The following ST18 variants were observed in gnomAD, a reference collection of about 807,000 sequenced individuals.
ST18 encodes the protein ST18 C2H2C-type zinc finger transcription factor.
Under a neutral mutation model 110.0 loss-of-function variants are expected in ST18, and 50 were observed. The observed-to-expected ratio is 0.45, with a 90% CI of 0.36 to 0.58. ST18 has a LOEUF of 0.58. ST18 is among the 20% of genes least tolerant of loss of function. The probability of loss-of-function intolerance (pLI) is 0.00; values close to 1 mark genes in which losing one functional copy is unlikely to be tolerated. For synonymous variants in ST18, 461 were observed against 452.4 expected (o/e 1.02, Z -0.24); for missense variants, 1,306 against 1,280.1 (o/e 1.02, Z -0.31).
intron 2 of ST18, among the ~76,000 whole-genome samples, chr8:52,375,282 T>C (rs11778617): frequency 0.75 from 114,696 of 152,024 alleles, 48,191 homozygotes; most frequent in Non-Finnish European, 0.93. Flanking sequence ...AACTCTTTTA[T>C]TTGCTCCCCT....
At chr8:52,320,505 T>C (rs1803417173) in intron 2 of ST18, among the ~76,000 whole-genome samples, 2 of 152,238 alleles carry the variant, frequency 1.3e-5, no homozygotes, top group African/African-American at 4.8e-5. Context: ...AAAGAATTCA[T>C]GTAAATTAAT....
chr8:52,118,464 A>C (rs1167707358), intron 23 of ST18, 23 bp from the exon 24 acceptor site: 2 of 1,419,772 alleles, frequency 1.4e-6, no homozygotes, highest in Non-Finnish European at 9.7e-7. Context: ...AGACTACCTT[A>C]GTTCAAACTG....
intron 2 of ST18, among the ~76,000 whole-genome samples, chr8:52,323,121 G>T (rs1804744372): frequency 6.6e-6 from 1 of 152,158 alleles, no homozygotes; most frequent in Admixed American, 6.5e-5. Flanking sequence ...CAGGAACTCT[G>T]TGCATGGAGG....
intron 19 of ST18, among the ~76,000 whole-genome samples, chr8:52,135,551 A>T (rs1420572929): frequency 6.8e-6 from 1 of 146,884 alleles, no homozygotes; most frequent in African/African-American, 2.5e-5. Flanking sequence ...CTGGGCAACA[A>T]GACCGAAACT....
At chr8:52,403,174 C>T (rs950094433) in intron 2 of ST18, among the ~76,000 whole-genome samples, 5 of 152,024 alleles carry the variant, frequency 3.3e-5, no homozygotes, top group African/African-American at 1.2e-4. Flanking sequence ...GGAGTTGCTG[C>T]AGCTCAGTTG....
intron 2 of ST18, among the ~76,000 whole-genome samples, chr8:52,342,876 A>G (rs1332706599): frequency 6.6e-6 from 1 of 152,224 alleles, no homozygotes. Context: ...ACAAGGCAAT[A>G]ATCTTTTTGG....
intron 10 of ST18, among the ~76,000 whole-genome samples, chr8:52,168,577 C>G (rs2063766415): frequency 6.6e-6 from 1 of 152,020 alleles, no homozygotes; most frequent in Non-Finnish European, 1.5e-5. Flanking sequence ...TCGAGTCGTT[C>G]TGCGCTGAGG....
intron 3 of ST18, among the ~76,000 whole-genome samples, chr8:52,228,058 G>C (rs2090087302): frequency 6.6e-6 from 1 of 152,132 alleles, no homozygotes; most frequent in Non-Finnish European, 1.5e-5. Context: ...TTAGCATCTG[G>C]AATACTATAG....
rs1484481387 is a variant in ST18, at chr8:52,371,789, C to T, written c.-465+37539G>A. ...ATCGCCTAGTGATGTCACAGCCATC[C>T]TGATGTCACAGAGCAATGCATGCCT... On this transcript the variant is annotated intron_variant, in intron 2 of 25. Coordinates refer to ENST00000689386, the MANE Select transcript of ST18 (RefSeq NM_001352837.2). Among the ~76,000 whole-genome samples, 3 of 152,278 alleles carry T rather than the reference C, an allele frequency of 2.0e-5. No homozygotes were observed. The East Asian group carries it at 5.8e-4, about 29-fold the overall frequency.
intron 8 of ST18, among the ~76,000 whole-genome samples, chr8:52,203,837 A>C (rs1159791176): frequency 1.3e-5 from 2 of 152,192 alleles, no homozygotes; most frequent in East Asian, 3.9e-4. Context: ...GAGCAAGTCC[A>C]AAAGAGCCTT....
At chr8:52,301,180 G>T (rs896761438) in intron 2 of ST18, among the ~76,000 whole-genome samples, 4 of 152,174 alleles carry the variant, frequency 2.6e-5, no homozygotes, top group South Asian at 2.1e-4. Flanking sequence ...TTACGAGCAG[G>T]TTTCTTCAAA....
chr8:52,287,015 C>T (rs1197950673), intron 2 of ST18, among the ~76,000 whole-genome samples: 1 of 152,108 alleles, frequency 6.6e-6, no homozygotes. Flanking sequence ...CAAAAATCTA[C>T]AATATCCAAG....
chr8:52,171,938 T>C lies in ST18; in HGVS notation c.923A>G (p.Gln308Arg), dbSNP rs1203494963. The change falls in exon 10 of 26, where the codon CAG becomes CGG. Residue 308 changes from glutamine (Q) to arginine (R), a missense_variant. By Grantham distance (43) the Gln-to-Arg change is conservative. Coordinates refer to ENST00000689386, the MANE Select transcript of ST18 (RefSeq NM_001352837.2). ...TCGCTCAGCCTGCAGAGCAATTGCCTGCTCCAGCAAACTTAAATTCCCCTT... is the reference window on the plus strand; with the variant it reads ...TCGCTCAGCCTGCAGAGCAATTGCCCGCTCCAGCAAACTTAAATTCCCCTT... ...KAKGNLSLLE[Q>R]AIALQAERGC... 1 of 1,614,228 alleles carries C rather than the reference T, an allele frequency of 6.2e-7. No homozygotes were observed. The highest frequency in any genetic ancestry group is 1.1e-5 in the South Asian group (1 of 91,076).
chr8:52,147,191 G>A (rs940549616), intron 16 of ST18, among the ~76,000 whole-genome samples: 5 of 152,130 alleles, frequency 3.3e-5, no homozygotes, highest in Non-Finnish European at 4.4e-5. Flanking sequence ...TTGTGTGTGT[G>A]AATTTGCTGG....
chr8:52,111,174 T>C lies in ST18; in HGVS notation c.*2024A>G, dbSNP rs2040436311. ...AACCTGAAGTCATAGCAAATTATAGTAATAAATATGTAGGTTGGTAAGAGA... is the reference window on the plus strand; with the variant it reads ...AACCTGAAGTCATAGCAAATTATAGCAATAAATATGTAGGTTGGTAAGAGA... On this transcript the variant is annotated 3_prime_UTR_variant, in exon 26 of 26. Transcript: ENST00000689386. The C allele has an allele frequency of 2.6e-6, 1 of 387,402 alleles. No homozygotes were observed. Among genetic ancestry groups the C allele is most frequent in the Admixed American group, 4.5e-5 (1 of 22,360 alleles). 24.0% of individuals were successfully genotyped at this position (387,402 alleles called of 1,614,324 possible). A position where few individuals can be genotyped will look rare whatever the true frequency, so the allele number is the denominator to read the frequency against.
At chr8:52,128,999 A>G (rs1486431011) in intron 22 of ST18, among the ~76,000 whole-genome samples, 1 of 152,166 alleles carries the variant, frequency 6.6e-6, no homozygotes, top group African/African-American at 2.4e-5. Context: ...CAGATTCAAA[A>G]TATGTAACAT....
chr8:52,214,472 G>A (rs2083396397), intron 6 of ST18, among the ~76,000 whole-genome samples: 1 of 152,118 alleles, frequency 6.6e-6, no homozygotes, highest in Non-Finnish European at 1.5e-5. Flanking sequence ...AGAGAACAGC[G>A]ACAAGAGGGC....
chr8:52,291,432 A>G (rs1185208995), intron 2 of ST18, among the ~76,000 whole-genome samples: 1 of 152,218 alleles, frequency 6.6e-6, no homozygotes, highest in Non-Finnish European at 1.5e-5. Flanking sequence ...CTTTAGTTTA[A>G]CCACTTATCA....
intron 2 of ST18, among the ~76,000 whole-genome samples, chr8:52,327,485 C>T (rs6987166): frequency 2.4e-4 from 37 of 152,058 alleles, no homozygotes; most frequent in African/African-American, 8.7e-4. Context: ...AAAAGGGTAC[C>T]ATTGTCCTGT....
Sources: gnomAD v4.1 joint callset for allele counts (sites outside exome capture counted in the v4.1 genomes callset) on GRCh38, gnomAD v4.1.1 for gene constraint, MANE v1.5 for transcripts, NCBI Gene and HGNC (gene_info 2026-07-23, HGNC 2026-07-21) for gene names.